The following TPTE variants were observed in gnomAD, a reference collection of about 807,000 sequenced individuals.
The protein encoded by TPTE is putative tyrosine-protein phosphatase TPTE.
In TPTE, 59 loss-of-function variants were observed where a neutral mutation model predicts 84.1. That is an observed-to-expected ratio of 0.70 (90% CI 0.57 to 0.87). TPTE has a LOEUF of 0.87. Among genes scored for constraint, TPTE ranks in the 40% least tolerant of loss-of-function variants. The pLI is 0.00. For synonymous variants in TPTE, 130 were observed against 223.5 expected, an observed-to-expected ratio of 0.58 and a Z score of 3.73; for missense variants, 382 against 659.6, an observed-to-expected ratio of 0.58 and a Z score of 4.61.
chr21:10,524,038 G>C (rs368583049), intron 1 of TPTE, among the ~76,000 whole-genome samples: 47 of 152,392 alleles, frequency 3.1e-4, no homozygotes, highest in African/African-American at 1.1e-3. Context: ...GGCCAAGCTC[G>C]TTCTATTCCC....
At chr21:10,590,695 C>G (rs1175701228) in intron 18 of TPTE, among the ~76,000 whole-genome samples, 172 bp downstream of exon 18, 1 of 152,308 alleles carries the variant, frequency 6.6e-6, no homozygotes, top group Non-Finnish European at 1.5e-5. Flanking sequence ...TTAATGTGCA[C>G]TAGTTAGTAG....
At chr21:10,576,838 C>CATATATATATAT (rs56285862) in intron 14 of TPTE, among the ~76,000 whole-genome samples, 111 of 135,900 alleles carry the variant, frequency 8.2e-4, no homozygotes, top group Non-Finnish European at 9.9e-4. Flanking sequence ...TACATATATA[C>CATATATATATAT]ATATATATAT....
chr21:10,548,595 A>T (rs369829051), intron 7 of TPTE, among the ~76,000 whole-genome samples: 1 of 152,276 alleles, frequency 6.6e-6, no homozygotes, highest in East Asian at 1.9e-4. Flanking sequence ...CAGCAGACAC[A>T]TATCCAGGAC....
chr21:10,532,289 TCAC>T, intron 3 of TPTE, among the ~76,000 whole-genome samples: 1 of 152,310 alleles, frequency 6.6e-6, no homozygotes, highest in Non-Finnish European at 1.5e-5. Flanking sequence ...ATCTAAGTTT[TCAC>T]ATTTATTAGC....
chr21:10,534,112 G>T (rs1450877349), intron 3 of TPTE, among the ~76,000 whole-genome samples: 7 of 152,304 alleles, frequency 4.6e-5, no homozygotes, highest in South Asian at 2.1e-4. Context: ...TTACACACTA[G>T]GTTAGCTTGC....
intron 13 of TPTE, 38 bp from the exon 14 acceptor site, chr21:10,570,447 A>G (rs373186902): frequency 1.2e-5 from 20 of 1,613,834 alleles, no homozygotes; most frequent in African/African-American, 2.7e-5. Context: ...TATGAAATCT[A>G]TAATAATGTT....
chr21:10,542,375 TTTCTC>T lies in TPTE; in HGVS notation c.66-17_66-13del, dbSNP rs765907331. 9 of 1,609,724 alleles carry T rather than the reference TTTCTC, an allele frequency of 5.6e-6. No homozygotes were observed. Among genetic ancestry groups the T allele is most frequent in the African/African-American group, 2.7e-5 (2 of 74,842 alleles). On this transcript the variant is annotated splice_polypyrimidine_tract_variant and intron_variant, in intron 5 of 23. Coordinates refer to ENST00000618007, the MANE Select transcript of TPTE (RefSeq NM_199261.4). ...AGAATTATGTCTCCTCTCTGACTGT[TTTCTC>T]TTATCATCCACTAGTCCACAGACAA...
chr21:10,551,840 C>T (rs1600888576), intron 7 of TPTE, among the ~76,000 whole-genome samples: 3 of 152,430 alleles, frequency 2.0e-5, no homozygotes, highest in Admixed American at 1.3e-4. Context: ...ACCCATACGA[C>T]CTACCAAGAC....
intron 3 of TPTE, among the ~76,000 whole-genome samples, chr21:10,529,570 A>T (rs1202249482): frequency 2.0e-5 from 3 of 152,308 alleles, no homozygotes; most frequent in African/African-American, 7.2e-5. Flanking sequence ...ATATTACAAC[A>T]TCTTTTATAT....
intron 7 of TPTE, among the ~76,000 whole-genome samples, chr21:10,547,541 G>T (rs1394106726): frequency 6.6e-6 from 1 of 152,304 alleles, no homozygotes; most frequent in Non-Finnish European, 1.5e-5. Context: ...GTATTGCCAA[G>T]AATTGACACA....
At chr21:10,573,782 G>A (rs1179206194) in intron 14 of TPTE, among the ~76,000 whole-genome samples, 23 of 152,386 alleles carry the variant, frequency 1.5e-4, no homozygotes, top group Non-Finnish European at 3.2e-4. Flanking sequence ...TGACTTGGCT[G>A]AATGGCCCCA....
At chr21:10,551,115 A>G (rs1328555219) in intron 7 of TPTE, among the ~76,000 whole-genome samples, 1 of 152,424 alleles carries the variant, frequency 6.6e-6, no homozygotes, top group African/African-American at 2.4e-5. Flanking sequence ...ATTAAGAACT[A>G]TGTTTTTAGC....
At chr21:10,574,960 C>A (rs2075121831) in intron 14 of TPTE, among the ~76,000 whole-genome samples, 1 of 152,310 alleles carries the variant, frequency 6.6e-6, no homozygotes. Context: ...CCATACGTAT[C>A]TCTGGGAAGG....
intron 18 of TPTE, among the ~76,000 whole-genome samples, chr21:10,592,029 G>A (rs1288515937): frequency 6.6e-6 from 1 of 152,312 alleles, no homozygotes; most frequent in Non-Finnish European, 1.5e-5. Flanking sequence ...GCTGGGCATG[G>A]TGGTACACAC....
intron 17 of TPTE, among the ~76,000 whole-genome samples, chr21:10,583,179 T>C (rs2075300717): frequency 6.6e-6 from 1 of 152,310 alleles, no homozygotes; most frequent in Admixed American, 6.5e-5. Context: ...TCTAAAACAG[T>C]TGTAACAATT....
intron 7 of TPTE, among the ~76,000 whole-genome samples, chr21:10,548,653 T>C (rs1478341113): frequency 2.0e-5 from 3 of 152,422 alleles, no homozygotes; most frequent in East Asian, 3.8e-4. Context: ...AACACCCCTC[T>C]TGGCCAGCCC....
intron 17 of TPTE, among the ~76,000 whole-genome samples, chr21:10,585,248 A>C (rs2075342273): frequency 6.6e-6 from 1 of 152,274 alleles, no homozygotes; most frequent in Non-Finnish European, 1.5e-5. Context: ...AAACAAAAAA[A>C]AAAAAAAAGA....
Position 10,522,136 on chromosome 21 carries a change from G to C in TPTE, c.-211+442G>C, listed in dbSNP as rs377058033. ...GCCGCCCCCGAGGCGCCCGGCTCTC[G>C]TTGTCTTGTCCCCCCCCAGGATGAC... On this transcript the variant is annotated intron_variant, in intron 1 of 23. Transcript: ENST00000618007. 7.5e-4 allele frequency among the ~76,000 whole-genome samples: 114 copies of C among 152,304 alleles called. No individual in the cohort carries two copies. The East Asian group carries it at 0.013, about 17-fold the overall frequency.
At chr21:10,580,475 T>C (rs2075252560) in intron 17 of TPTE, among the ~76,000 whole-genome samples, 1 of 152,312 alleles carries the variant, frequency 6.6e-6, no homozygotes, top group Non-Finnish European at 1.5e-5. Flanking sequence ...TTCTAGTAGT[T>C]TTCCAATTTC....
Sources: gnomAD v4.1 joint callset for allele counts (sites outside exome capture counted in the v4.1 genomes callset) on GRCh38, gnomAD v4.1.1 for gene constraint, MANE v1.5 for transcripts, NCBI Gene and HGNC (gene_info 2026-07-23, HGNC 2026-07-21) for gene names.